Variants in CHIC1 observed in about 807,000 individuals in gnomAD.
CHIC1 encodes cysteine rich hydrophobic domain 1.
CHIC1 carries 7 observed loss-of-function variants against 18.5 expected under a neutral mutation model. The observed-to-expected ratio is 0.38, with a 90% CI of 0.22 to 0.71. CHIC1 has a LOEUF of 0.71. Among genes scored for constraint, CHIC1 ranks in the 30% least tolerant of loss-of-function variants. CHIC1 has a pLI of 0.49. For missense variants in CHIC1, 159 were observed against 176.9 expected, an observed-to-expected ratio of 0.90 and a Z score of 0.57; for synonymous variants, 77 against 73.5, an observed-to-expected ratio of 1.05 and a Z score of -0.25.
chrX:73,569,257 G>C (rs2147536809), intron 1 of CHIC1, among the ~76,000 whole-genome samples: 1 of 111,098 alleles, frequency 9.0e-6, no homozygotes, highest in South Asian at 3.8e-4. Context: ...ATTTGTGCAA[G>C]ATTTTGAAAG....
chrX:73,624,764 G>A (rs1170094924), intron 3 of CHIC1, among the ~76,000 whole-genome samples: 3 of 112,071 alleles, frequency 2.7e-5, no homozygotes, highest in Non-Finnish European at 5.6e-5. Flanking sequence ...GAGACCTGCA[G>A]CAGTTTGTAA....
At chrX:73,605,913 G>A (rs2057680951) in intron 3 of CHIC1, among the ~76,000 whole-genome samples, 1 of 108,143 alleles carries the variant, frequency 9.2e-6, no homozygotes, top group Admixed American at 9.7e-5. Context: ...TTTCTCTCTG[G>A]CTGCCCTTAA....
In CHIC1 at chrX:73,667,345, T is replaced by C. The variant is rs182225808; in HGVS notation, c.508-11981T>C. On this transcript the variant is annotated intron_variant, in intron 3 of 5. Coordinates refer to ENST00000373502, the MANE Select transcript of CHIC1 (RefSeq NM_001039840.4). Reference sequence around the variant, plus strand: ...CCTTTAATTGGGGCATTTAGCCATTTACATTTAAGGTTAGTGTTATTATGT... The same window carrying C: ...CCTTTAATTGGGGCATTTAGCCATTCACATTTAAGGTTAGTGTTATTATGT... 3.7e-3 allele frequency among the ~76,000 whole-genome samples: 412 copies of C among 112,146 alleles called. 1 individual carries two copies. The highest frequency in any genetic ancestry group is 7.3e-3 in the Admixed American group (77 of 10,594).
chrX:73,577,036 C>T (rs1054178546), intron 1 of CHIC1, among the ~76,000 whole-genome samples: 1 of 110,080 alleles, frequency 9.1e-6, no homozygotes, highest in Non-Finnish European at 1.9e-5. Flanking sequence ...TGAAATCCCA[C>T]ATAGTACCCA....
chrX:73,620,644 T>A (rs2057755540), intron 3 of CHIC1, among the ~76,000 whole-genome samples: 1 of 112,176 alleles, frequency 8.9e-6, no homozygotes, highest in African/African-American at 3.2e-5. Context: ...TCCCATTCTG[T>A]AAGTTGCCTG....
intron 3 of CHIC1, among the ~76,000 whole-genome samples, chrX:73,634,476 C>A (rs2057822467): frequency 8.9e-6 from 1 of 112,172 alleles, no homozygotes; most frequent in African/African-American, 3.2e-5. Flanking sequence ...TGTGGGAGGT[C>A]AGGCAGGCTG....
chrX:73,594,855 ATT>A (rs906947832), intron 3 of CHIC1, among the ~76,000 whole-genome samples: 21 of 111,577 alleles, frequency 1.9e-4, no homozygotes, highest in Middle Eastern at 4.7e-3. Flanking sequence ...ATAATGCCAT[ATT>A]TTTTCTTTTA....
chrX:73,595,869 A>C (rs2057605478), intron 3 of CHIC1, among the ~76,000 whole-genome samples: 1 of 111,383 alleles, frequency 9.0e-6, no homozygotes, highest in Non-Finnish European at 1.9e-5. Flanking sequence ...TCACCATTCT[A>C]ACTGGAGTGA....
chrX:73,601,410 T>G (rs1603342270), intron 3 of CHIC1, among the ~76,000 whole-genome samples: 1 of 105,429 alleles, frequency 9.5e-6, no homozygotes, highest in Non-Finnish European at 1.9e-5. Flanking sequence ...AGAATCTCAC[T>G]CAAAACCGCT....
intron 1 of CHIC1, among the ~76,000 whole-genome samples, chrX:73,566,339 T>C (rs1222589519): frequency 9.1e-6 from 1 of 109,750 alleles, no homozygotes; most frequent in Non-Finnish European, 1.9e-5. Context: ...AAAACCTGCA[T>C]TGGATATTAA....
chrX:73,585,681 A>G (rs936935456), intron 3 of CHIC1, among the ~76,000 whole-genome samples: 1 of 111,679 alleles, frequency 9.0e-6, no homozygotes, highest in Non-Finnish European at 1.9e-5. Context: ...AAATACAGCT[A>G]ATCTCAGTTA....
intron 3 of CHIC1, among the ~76,000 whole-genome samples, chrX:73,671,083 A>G (rs1036889543): frequency 2.7e-5 from 3 of 111,908 alleles, no homozygotes; most frequent in Admixed American, 9.5e-5. Context: ...TTTATAGTGC[A>G]GTTTAAGTCT....
chrX:73,596,445 A>G (rs910855841), intron 3 of CHIC1, among the ~76,000 whole-genome samples: 1 of 111,820 alleles, frequency 8.9e-6, no homozygotes, highest in Non-Finnish European at 1.9e-5. Context: ...GAAAATAGCC[A>G]TACTGCCCAA....
intron 3 of CHIC1, among the ~76,000 whole-genome samples, chrX:73,641,988 T>C (rs753270708): frequency 9.0e-4 from 101 of 111,851 alleles, no homozygotes; most frequent in Non-Finnish European, 1.7e-3. Context: ...TACGTGTGCA[T>C]GTGTCTTTAG....
chrX:73,636,213 AT>A (rs1979066708), intron 3 of CHIC1, among the ~76,000 whole-genome samples: 3 of 111,183 alleles, frequency 2.7e-5, no homozygotes, highest in East Asian at 5.7e-4. Flanking sequence ...ATTTTTTATC[AT>A]TTTATTTTCC....
intron 1 of CHIC1, among the ~76,000 whole-genome samples, chrX:73,576,239 A>G (rs1401598826): frequency 9.0e-6 from 1 of 110,773 alleles, no homozygotes; most frequent in East Asian, 2.8e-4. Context: ...AATAAAAAGT[A>G]TACTATAGTA....
Position 73,684,287 on chromosome X carries a change from C to T in CHIC1, c.*3282C>T, listed in dbSNP as rs2058112127. Reference sequence around the variant, plus strand: ...TCTTTGATTAAAGCCCCACCAAAACCCATTTAAGTATTTAATGTACATACT... The same window carrying T: ...TCTTTGATTAAAGCCCCACCAAAACTCATTTAAGTATTTAATGTACATACT... On this transcript the variant is annotated 3_prime_UTR_variant, in exon 6 of 6. Coordinates refer to ENST00000373502, the MANE Select transcript of CHIC1 (RefSeq NM_001039840.4). 1 of 110,785 alleles carries T rather than the reference C, an allele frequency of 9.0e-6. No homozygotes were observed. 9.1% of individuals were successfully genotyped at this position (110,785 alleles called of 1,213,427 possible).
chrX:73,584,605 ATAAC>A, intron 3 of CHIC1, 33 bp downstream of exon 3: 1 of 1,029,453 alleles, frequency 9.7e-7, no homozygotes, highest in Non-Finnish European at 1.3e-6. Flanking sequence ...AATAATAATA[ATAAC>A]TAACATTTAT....
rs943018851 is a variant in CHIC1, at chrX:73,563,404, G to A, written c.120G>A (p.Gly40=). 8.7e-7 allele frequency: 1 copy of A among 1,155,124 alleles called. No homozygotes were observed. The highest frequency in any genetic ancestry group is 2.7e-5 in the Admixed American group (1 of 37,465). The change falls in exon 1 of 6, where the codon GGG becomes GGA. Residue 40 remains glycine, a synonymous_variant. Transcript: ENST00000373502. The part of the protein sequence containing the change: ...SSPSSSSSVS[G]PDDDEEDEEE... Reference sequence around the variant, plus strand: ...CGTCGTCGTCGTCGTCGGTATCTGGGCCCGACGATGACGAGGAGGATGAGG... The same window carrying A: ...CGTCGTCGTCGTCGTCGGTATCTGGACCCGACGATGACGAGGAGGATGAGG...
Sources: gnomAD v4.1 joint callset for allele counts (sites outside exome capture counted in the v4.1 genomes callset) on GRCh38, gnomAD v4.1.1 for gene constraint, MANE v1.5 for transcripts, NCBI Gene and HGNC (gene_info 2026-07-23, HGNC 2026-07-21) for gene names.